SPTAN1: variants seen among roughly 807,000 people sequenced by gnomAD.
SPTAN1 encodes spectrin alpha chain, non-erythrocytic 1.
Under a neutral mutation model 331.3 loss-of-function variants are expected in SPTAN1, and 61 were observed. That is an observed-to-expected ratio of 0.18 (90% CI 0.15 to 0.23). SPTAN1 has a LOEUF of 0.23. SPTAN1 is among the 10% of genes least tolerant of loss of function. The pLI is 1.00. For missense variants in SPTAN1, 2,043 were observed against 3,147.9 expected (o/e 0.65, Z 8.40); for synonymous variants, 1,153 against 1,173.9 (o/e 0.98, Z 0.36).
chr9:128,615,108 G>A (rs1856997710), intron 40 of SPTAN1, among the ~76,000 whole-genome samples: 2 of 152,186 alleles, frequency 1.3e-5, no homozygotes, highest in Admixed American at 6.5e-5. Flanking sequence ...ATAAAAGTTT[G>A]AATTTTATCA....
intron 48 of SPTAN1, 97 bp downstream of exon 48, chr9:128,626,075 C>A (rs1042254425): frequency 6.8e-7 from 1 of 1,463,352 alleles, no homozygotes; most frequent in Non-Finnish European, 9.4e-7. Context: ...CTTGAGGAAG[C>A]TGTGAGCTCA....
In SPTAN1 at chr9:128,585,759, G is replaced by T. The variant is rs1185428521; in HGVS notation, c.2572G>T (p.Ala858Ser). 2.2e-5 allele frequency: 35 copies of T among 1,614,002 alleles called. No homozygotes were observed. The highest frequency in any genetic ancestry group is 2.9e-5 in the Non-Finnish European group (34 of 1,180,018). Residue 858 changes from alanine (A) to serine (S), a missense_variant, in exon 19 of 57, where the codon GCA becomes TCA. By Grantham distance (99) the Ala-to-Ser change is moderately conservative (BLOSUM62 1). This residue lies in a region of SPTAN1 where 1,038 missense variants were observed against 1,531.5 expected (regional missense o/e 0.68). Coordinates refer to ENST00000372739, the MANE Select transcript of SPTAN1 (RefSeq NM_001130438.3). The part of the protein sequence containing the change: ...NAMVEEGHFA[A>S]EDVKAKLHEL... ...TACCCATCTTCCAGGCCATTTTGCT[G>T]CAGAGGATGTGAAGGCCAAGCTTCA...
intron 2 of SPTAN1, among the ~76,000 whole-genome samples, chr9:128,568,352 CAT>C (rs1054103764): frequency 2.0e-5 from 3 of 152,074 alleles, no homozygotes; most frequent in Non-Finnish European, 4.4e-5. Flanking sequence ...AAGAAAGTCT[CAT>C]GTGTGAGTGA....
At chr9:128,572,699 TG>T (rs1348044288) in intron 3 of SPTAN1, among the ~76,000 whole-genome samples, 1 of 152,106 alleles carries the variant, frequency 6.6e-6, no homozygotes, top group African/African-American at 2.4e-5. Flanking sequence ...CAGAGGAAGG[TG>T]GGTGGCATGT....
At chr9:128,599,031 T>A in intron 26 of SPTAN1, 45 bp downstream of exon 26, 1 of 1,597,844 alleles carries the variant, frequency 6.3e-7, no homozygotes, top group South Asian at 1.1e-5. Context: ...TGAGAAGGAC[T>A]TAAATCTTGG....
rs199569281 is a variant in SPTAN1, at chr9:128,633,326, G to A, written c.7426G>A (p.Val2476Met). The change falls in exon 57 of 57, where the codon GTG (valine) becomes ATG (methionine). Residue 2476 changes from valine to methionine, a missense_variant. By Grantham distance (21) the Val-to-Met change is conservative. Around this residue, in one of 12 missense-constraint regions of SPTAN1, gnomAD observed 88 missense variants for 96.5 expected, o/e 0.91. Coordinates refer to ENST00000372739, the MANE Select transcript of SPTAN1 (RefSeq NM_001130438.3). ...CGTGGAGTTCACCCGCTCGCTTTTC[G>A]TGAACTGAGCCACTCCCTGGGTCAC... ...DYVEFTRSLF[V>M]N 39 of 1,613,756 alleles carry A rather than the reference G, an allele frequency of 2.4e-5. No homozygotes were observed. The highest frequency in any genetic ancestry group is 4.4e-5 in the South Asian group (4 of 91,092).
intron 1 of SPTAN1, chr9:128,555,478 A>G: frequency 8.7e-7 from 1 of 1,149,108 alleles, no homozygotes; most frequent in South Asian, 1.3e-5. Flanking sequence ...CGTGTCAAAG[A>G]GGTTGAATGA....
intron 24 of SPTAN1, among the ~76,000 whole-genome samples, chr9:128,595,165 A>G (rs1410060425): frequency 6.6e-6 from 1 of 151,982 alleles, no homozygotes; most frequent in African/African-American, 2.4e-5. Flanking sequence ...GCTAGAGTAC[A>G]GTGGCTCGAT....
At chr9:128,576,283 A>G (rs954371541) in intron 5 of SPTAN1, among the ~76,000 whole-genome samples, 3 of 152,190 alleles carry the variant, frequency 2.0e-5, no homozygotes, top group African/African-American at 7.2e-5. Flanking sequence ...GCACCTGCCT[A>G]TAGACCCAGC....
chr9:128,564,791 A>G (rs1196438908), intron 1 of SPTAN1, among the ~76,000 whole-genome samples: 1 of 152,200 alleles, frequency 6.6e-6, no homozygotes, highest in African/African-American at 2.4e-5. Flanking sequence ...ATATAAATAA[A>G]TAAGCGCTAT....
intron 1 of SPTAN1, among the ~76,000 whole-genome samples, chr9:128,565,338 T>A (rs1849898095): frequency 6.6e-6 from 1 of 152,048 alleles, no homozygotes; most frequent in African/African-American, 2.4e-5. Context: ...GATTTGGGAG[T>A]GGCATGGCGA....
At chr9:128,613,513 G>GA (rs750958035) in intron 40 of SPTAN1, 28 bp downstream of exon 40, 2 of 1,569,682 alleles carry the variant, frequency 1.3e-6, no homozygotes, top group East Asian at 4.5e-5. Flanking sequence ...GGCCAGGCCC[G>GA]AGTGCCTGGG....
At chr9:128,578,341 C>A in intron 9 of SPTAN1, 96 bp downstream of exon 9, 2 of 1,510,790 alleles carry the variant, frequency 1.3e-6, no homozygotes, top group East Asian at 4.5e-5. Context: ...GGCGTTGGTA[C>A]CATGTTATTC....
intron 9 of SPTAN1, among the ~76,000 whole-genome samples, chr9:128,578,602 G>A (rs1414128293): frequency 6.6e-6 from 1 of 152,078 alleles, no homozygotes; most frequent in Non-Finnish European, 1.5e-5. Context: ...AGGCTGAGGC[G>A]GGTGGATCAT....
chr9:128,598,312 A>G (rs879607368), intron 24 of SPTAN1, 88 bp from the exon 25 acceptor site: 184 of 949,784 alleles, frequency 1.9e-4, no homozygotes, highest in South Asian at 7.1e-4. Flanking sequence ...AAGAATCCTT[A>G]TAGTTTCAAG....
chr9:128,628,431 G>A, intron 51 of SPTAN1: 1 of 345,724 alleles, frequency 2.9e-6, no homozygotes, highest in Non-Finnish European at 5.7e-6. Context: ...AGCTGAGGCT[G>A]CCACTTTACT....
chr9:128,630,801 T>C (rs1859591617), intron 52 of SPTAN1, among the ~76,000 whole-genome samples: 1 of 152,134 alleles, frequency 6.6e-6, no homozygotes, highest in African/African-American at 2.4e-5. Context: ...ACCTCCTGGG[T>C]TCAAGTGATC....
intron 1 of SPTAN1, among the ~76,000 whole-genome samples, chr9:128,557,953 G>A (rs923780938): frequency 1.3e-4 from 20 of 151,954 alleles, no homozygotes; most frequent in Non-Finnish European, 2.5e-4. Flanking sequence ...ACAGGTGCCC[G>A]CCACCACGCC....
At chr9:128,600,805 G>A (rs1435894684) in intron 27 of SPTAN1, among the ~76,000 whole-genome samples, 1 of 151,702 alleles carries the variant, frequency 6.6e-6, no homozygotes, top group Admixed American at 6.6e-5. Context: ...TGGGACTACA[G>A]GCATGTGCCA....
Sources: allele counts gnomAD v4.1 joint callset (sites outside exome capture counted in the v4.1 genomes callset), GRCh38; gene constraint gnomAD v4.1.1; regional missense constraint gnomAD v4.1.1; transcripts MANE v1.5; gene names NCBI Gene and HGNC (gene_info 2026-07-23, HGNC 2026-07-21).